KALRN: variants seen among roughly 807,000 people sequenced by gnomAD.
KALRN encodes the protein kalirin RhoGEF kinase, also known as kalirin.
A neutral mutation model predicts 353.7 loss-of-function variants in KALRN; 70 were observed. The ratio of observed to expected loss-of-function variants is 0.20; its 90% CI spans 0.16 to 0.24. The LOEUF (loss-of-function observed/expected upper bound fraction) is 0.24. Ranked by LOEUF, KALRN falls within the 10% of genes least tolerant of loss-of-function variation. The pLI, the probability that KALRN is intolerant of heterozygous loss-of-function variation, is 1.00. For missense variants in KALRN, 2,791 were observed against 3,756.7 expected, an observed-to-expected ratio of 0.74 and a Z score of 6.72; for synonymous variants, 1,391 against 1,434.8, an observed-to-expected ratio of 0.97 and a Z score of 0.69.
chr3:124,304,161 C>CAT (rs56120004), intron 6 of KALRN, among the ~76,000 whole-genome samples: 1 of 149,222 alleles, frequency 6.7e-6, no homozygotes, highest in Non-Finnish European at 1.5e-5. Context: ...CACACACACA[C>CAT]TATTGTAATG....
chr3:124,562,911 C>T lies in KALRN; in HGVS notation c.5004C>T (p.Thr1668=), dbSNP rs1433904267. The change falls in exon 34 of 60, where the codon ACC becomes ACT. Residue 1668 remains threonine (T), a synonymous_variant. Coordinates refer to ENST00000682506, the MANE Select transcript of KALRN (RefSeq NM_001388419.1). ...DFSAGHSSEL[T]IQVGQTVELL... is the part of the protein sequence containing the mutation. ...GTGCGGGCCACAGCAGTGAGCTGAC[C>T]ATCCAGGTGGGGCAGACGGTAGAGC... 2.6e-5 allele frequency: 36 copies of T among 1,367,766 alleles called. No individual in the cohort carries two copies. The highest frequency in any genetic ancestry group is 3.3e-5 in the Non-Finnish European group (34 of 1,022,004). The allele number at this position is 1,367,766 out of a possible 1,614,324, so 84.7% of individuals were successfully genotyped here. A position where few individuals can be genotyped will look rare whatever the true frequency, so the allele number is the denominator to read the frequency against.
rs55689161 is a variant in KALRN, at chr3:124,666,454, T to C, written c.6351T>C (p.Thr2117=). Residue 2117 remains threonine, a synonymous_variant, in exon 46 of 60, where the codon ACT becomes ACC. Transcript: ENST00000682506. ...CCAGCCCGTCTTTCCTTCAGGGCACTCTGACTGCTCAGGGGAAGCTGCTGC... is the reference window on the plus strand; with the variant it reads ...CCAGCCCGTCTTTCCTTCAGGGCACCCTGACTGCTCAGGGGAAGCTGCTGC... ...NLGRLQGFEG[T]LTAQGKLLQQ... is the part of the protein sequence containing the mutation. 0.027 allele frequency: 44,275 copies of C among 1,613,790 alleles called. 832 individuals are homozygous for C. The highest frequency in any genetic ancestry group is 0.094 in the East Asian group (4,206 of 44,866).
At chr3:124,525,071 C>G (rs957454003) in intron 33 of KALRN, among the ~76,000 whole-genome samples, 1 of 152,188 alleles carries the variant, frequency 6.6e-6, no homozygotes, top group African/African-American at 2.4e-5. Context: ...TTTACTGGTT[C>G]TGAAAACCTG....
intron 2 of KALRN, among the ~76,000 whole-genome samples, chr3:124,231,259 C>T (rs2079120924): frequency 6.6e-6 from 1 of 152,254 alleles, no homozygotes; most frequent in Non-Finnish European, 1.5e-5. Context: ...CTCTGTCATT[C>T]ACAGCTCACG....
chr3:124,615,108 G>T (rs2078424094), intron 34 of KALRN, among the ~76,000 whole-genome samples: 1 of 152,212 alleles, frequency 6.6e-6, no homozygotes, highest in Non-Finnish European at 1.5e-5. Context: ...TTACCTGGTG[G>T]ATTAGAACAC....
intron 51 of KALRN, 41 bp from the exon 52 acceptor site, chr3:124,693,763 T>C: frequency 7.2e-7 from 1 of 1,394,640 alleles, no homozygotes; most frequent in Non-Finnish European, 1.0e-6. Flanking sequence ...CTTTTAGTAG[T>C]TTAGGATTCA....
At chr3:124,637,834 G>A (rs1453080690) in intron 37 of KALRN, among the ~76,000 whole-genome samples, 1 of 152,176 alleles carries the variant, frequency 6.6e-6, no homozygotes, top group Non-Finnish European at 1.5e-5. Context: ...CCCTACAATG[G>A]GGGGAAAAAC....
chr3:124,349,188 C>G (rs562757134), intron 10 of KALRN, among the ~76,000 whole-genome samples: 2 of 152,058 alleles, frequency 1.3e-5, no homozygotes, highest in Admixed American at 6.5e-5. Context: ...CATGGAGGAA[C>G]CTTGAAGACA....
intron 20 of KALRN, 31 bp from the exon 21 acceptor site, chr3:124,446,732 T>G (rs2093853133): frequency 1.2e-6 from 2 of 1,613,254 alleles, no homozygotes; most frequent in Non-Finnish European, 1.7e-6. Flanking sequence ...GCTGCCTTTT[T>G]GGGGACTGGA....
At chr3:124,423,105 A>T (rs1329522247) in intron 15 of KALRN, 127 bp downstream of exon 15, 2 of 787,246 alleles carry the variant, frequency 2.5e-6, no homozygotes, top group Non-Finnish European at 3.9e-6. Flanking sequence ...AGCACTTCGA[A>T]AATAGGTAAG....
chr3:124,561,514 G>A (rs1044992501), intron 33 of KALRN, among the ~76,000 whole-genome samples: 2 of 152,186 alleles, frequency 1.3e-5, no homozygotes, highest in South Asian at 2.1e-4. Flanking sequence ...CTGAGCTTTT[G>A]GTCCTGGTGG....
chr3:124,067,364 G>T (rs1451799957), intron 1 of KALRN, among the ~76,000 whole-genome samples: 1 of 146,500 alleles, frequency 6.8e-6, no homozygotes, highest in Non-Finnish European at 1.5e-5. Flanking sequence ...ATGCAATGGT[G>T]GCCTTTAAGT....
chr3:124,562,794 C>CT, intron 33 of KALRN, 49 bp from the exon 34 acceptor site: 3 of 1,279,110 alleles, frequency 2.3e-6, no homozygotes, highest in Non-Finnish European at 3.1e-6. Context: ...TTTCTCCCCC[C>CT]TTCCTCCATG....
At chr3:124,294,515 C>CTCT (rs2076684281) in intron 5 of KALRN, among the ~76,000 whole-genome samples, 1 of 75,350 alleles carries the variant, frequency 1.3e-5, no homozygotes, top group African/African-American at 4.0e-5. Flanking sequence ...TAAGAAGATT[C>CTCT]TCTTCTTTTT....
intron 1 of KALRN, among the ~76,000 whole-genome samples, chr3:124,047,224 A>C (rs780160176): frequency 3.1e-4 from 47 of 152,214 alleles, no homozygotes; most frequent in Non-Finnish European, 5.4e-4. Flanking sequence ...TATTGAGTGA[A>C]TGTCTGCCAT....
chr3:124,666,559 G>C lies in KALRN; in HGVS notation c.6456G>C (p.Glu2152Asp). The change falls in exon 46 of 60, where the codon GAG becomes GAC. Residue 2152 changes from glutamate (E) to aspartate (D), a missense_variant. By Grantham distance (45) the Glu-to-Asp change is conservative. Coordinates refer to ENST00000682506, the MANE Select transcript of KALRN (RefSeq NM_001388419.1). ...AAGAGAGGCGCGTGTTCCTCTTCGA[G>C]CAGATTGTCATCTTCAGTGAACTGC... Reference protein sequence around the residue: ...RTKERRVFLFEQIVIFSELLR... With the variant: ...RTKERRVFLFDQIVIFSELLR... 6.2e-7 allele frequency: 1 copy of C among 1,614,064 alleles called. No homozygotes were observed. Among genetic ancestry groups the C allele is most frequent in the Non-Finnish European group, 8.5e-7 (1 of 1,179,960 alleles).
intron 57 of KALRN, among the ~76,000 whole-genome samples, chr3:124,704,289 CT>C (rs2062490683): frequency 1.3e-5 from 2 of 152,160 alleles, no homozygotes; most frequent in Admixed American, 1.3e-4. Flanking sequence ...CAGTTAATTC[CT>C]CCTGGAGGCA....
intron 3 of KALRN, among the ~76,000 whole-genome samples, chr3:124,242,774 G>A (rs1278182390): frequency 6.6e-6 from 1 of 152,158 alleles, no homozygotes; most frequent in Non-Finnish European, 1.5e-5. Context: ...TGGATATGCA[G>A]GACAACAGGG....
intron 2 of KALRN, among the ~76,000 whole-genome samples, chr3:124,232,719 G>A (rs1240813967): frequency 1.3e-5 from 2 of 152,052 alleles, no homozygotes; most frequent in South Asian, 4.2e-4. Flanking sequence ...TCTGGATGTG[G>A]GGAATTAGAA....
Sources: gnomAD v4.1 joint callset for allele counts (sites outside exome capture counted in the v4.1 genomes callset) on GRCh38, gnomAD v4.1.1 for gene constraint, MANE v1.5 for transcripts, NCBI Gene and HGNC (gene_info 2026-07-23, HGNC 2026-07-21) for gene names.